HSD17B12: variants seen among roughly 807,000 people sequenced by gnomAD.
The protein encoded by HSD17B12 is very-long-chain 3-oxoacyl-CoA reductase.
In HSD17B12, 32 loss-of-function variants were observed where a neutral mutation model predicts 39.3. The ratio of observed to expected loss-of-function variants is 0.81; its 90% CI spans 0.61 to 1.09. The LOEUF (loss-of-function observed/expected upper bound fraction) is 1.09, where lower values mean the gene tolerates loss of function less well. HSD17B12 is among the 50% of genes least tolerant of loss of function. The pLI is 0.00. For missense variants in HSD17B12, 342 were observed against 382.9 expected (o/e 0.89, Z 0.89); for synonymous variants, 150 against 146.7 (o/e 1.02, Z -0.16).
chr11:43,631,311 A>T, the HSD17B12 span, among the ~76,000 whole-genome samples: 1 of 152,200 alleles, frequency 6.6e-6, no homozygotes, highest in Non-Finnish European at 1.5e-5. Context: ...GCATCTCTTT[A>T]TAAGTATTTA....
chr11:43,588,555 CATGTG>C, the HSD17B12 span, among the ~76,000 whole-genome samples: 1 of 151,720 alleles, frequency 6.6e-6, no homozygotes, highest in Non-Finnish European at 1.5e-5. Flanking sequence ...TGAGATTATG[CATGTG>C]TAAAGAGCCT....
intron 7 of HSD17B12, chr11:43,833,830 G>A (rs558830649): frequency 1.3e-5 from 2 of 152,172 alleles, no homozygotes; most frequent in African/African-American, 2.4e-5. Context: ...ACTGACTATC[G>A]CTAAACAAAT....
chr11:43,633,885 G>A, the HSD17B12 span, among the ~76,000 whole-genome samples: 1 of 151,680 alleles, frequency 6.6e-6, no homozygotes, highest in Non-Finnish European at 1.5e-5. Flanking sequence ...GACCAGCCTG[G>A]CCAACATGGA....
the HSD17B12 span, among the ~76,000 whole-genome samples, chr11:43,597,895 A>G: frequency 6.6e-6 from 1 of 152,152 alleles, no homozygotes. Flanking sequence ...TTGGCCTCCC[A>G]AAGTGCTGGG....
intron 4 of HSD17B12, among the ~76,000 whole-genome samples, chr11:43,801,874 G>T (rs947573305): frequency 6.6e-6 from 1 of 152,078 alleles, no homozygotes; most frequent in Non-Finnish European, 1.5e-5. Flanking sequence ...ATAGTTTTCT[G>T]CATGAACTCA....
intron 3 of HSD17B12, among the ~76,000 whole-genome samples, chr11:43,787,195 G>A (rs1286283339): frequency 4.6e-5 from 7 of 152,130 alleles, no homozygotes; most frequent in Admixed American, 2.6e-4. Flanking sequence ...ACCCGCCTCC[G>A]CCTCCCAAAG....
chr11:43,798,181 A>C (rs1950931205), intron 3 of HSD17B12, 139 bp from the exon 4 acceptor site: 2 of 611,570 alleles, frequency 3.3e-6, no homozygotes, highest in Non-Finnish European at 5.8e-6. Flanking sequence ...TGATTGCTTA[A>C]AATTATCCTG....
At chr11:43,623,633 T>C in the HSD17B12 span, among the ~76,000 whole-genome samples, 1 of 152,104 alleles carries the variant, frequency 6.6e-6, no homozygotes, top group African/African-American at 2.4e-5. Flanking sequence ...TATTTCTGGC[T>C]TTAAATTTTT....
At chr11:43,808,070 G>A (rs1378151632) in intron 4 of HSD17B12, among the ~76,000 whole-genome samples, 2 of 152,152 alleles carry the variant, frequency 1.3e-5, no homozygotes, top group Non-Finnish European at 2.9e-5. Flanking sequence ...ATTTCCCCAA[G>A]ACAAGAAACC....
chr11:43,850,998 T>A (rs1951525796), intron 9 of HSD17B12, among the ~76,000 whole-genome samples: 1 of 152,046 alleles, frequency 6.6e-6, no homozygotes, highest in Admixed American at 6.6e-5. Context: ...GAGGTGGAGG[T>A]TGCAGTGAGC....
chr11:43,733,200 T>C (rs1445831722), intron 1 of HSD17B12, among the ~76,000 whole-genome samples: 1 of 152,272 alleles, frequency 6.6e-6, no homozygotes, highest in Admixed American at 6.5e-5. Context: ...GCGTCTGTTA[T>C]AGGTAGTTCC....
the HSD17B12 span, among the ~76,000 whole-genome samples, chr11:43,598,063 C>T: frequency 6.6e-6 from 1 of 152,150 alleles, no homozygotes; most frequent in Non-Finnish European, 1.5e-5. Flanking sequence ...CCCTCTAGAA[C>T]TCTGGGTACC....
At chr11:43,789,492 C>A (rs1774006164) in intron 3 of HSD17B12, among the ~76,000 whole-genome samples, 1 of 152,180 alleles carries the variant, frequency 6.6e-6, no homozygotes, top group Admixed American at 6.5e-5. Flanking sequence ...TGCCAGATTG[C>A]AACTTGCCAT....
intron 1 of HSD17B12, among the ~76,000 whole-genome samples, chr11:43,699,856 G>A (rs901267047): frequency 5.3e-5 from 8 of 152,122 alleles, no homozygotes; most frequent in Non-Finnish European, 1.0e-4. Context: ...TGACAAACAG[G>A]CATATGAAAA....
chr11:43,563,920 T>TG, the HSD17B12 span, among the ~76,000 whole-genome samples: 1 of 152,140 alleles, frequency 6.6e-6, no homozygotes, highest in Non-Finnish European at 1.5e-5. Flanking sequence ...TTCTTTTTTT[T>TG]TCTTTTTTTT....
At chr11:43,618,071 G>T in the HSD17B12 span, among the ~76,000 whole-genome samples, 14 of 152,236 alleles carry the variant, frequency 9.2e-5, no homozygotes, top group Non-Finnish European at 5.9e-5. Context: ...GCCTATTATA[G>T]AACAAAAAAC....
At chr11:43,647,442 A>ATTT in the HSD17B12 span, among the ~76,000 whole-genome samples, 23,146 of 123,170 alleles carry the variant, frequency 0.19, 2,932 homozygotes, top group Middle Eastern at 0.29. Context: ...CACCTTGCTA[A>ATTT]TTTTTTTTTT....
intron 3 of HSD17B12, among the ~76,000 whole-genome samples, chr11:43,758,248 A>G (rs937679158): frequency 3.9e-5 from 6 of 152,158 alleles, no homozygotes; most frequent in Non-Finnish European, 8.8e-5. Context: ...CTTGAGGAGA[A>G]GAGGAATTCT....
chr11:43,683,104 G>GTTTTTTTTTT (rs145842097), intron 1 of HSD17B12, among the ~76,000 whole-genome samples: 3 of 140,614 alleles, frequency 2.1e-5, no homozygotes, highest in Non-Finnish European at 3.1e-5. Context: ...GTTTTTTTTT[G>GTTTTTTTTTT]TTTTTTTTTT....
Sources: gnomAD v4.1 joint callset for allele counts (sites outside exome capture counted in the v4.1 genomes callset) on GRCh38, gnomAD v4.1.1 for gene constraint, MANE v1.5 for transcripts, NCBI Gene and HGNC (gene_info 2026-07-23, HGNC 2026-07-21) for gene names.